Variants in CTSC observed in about 807,000 individuals in gnomAD.
CTSC encodes cathepsin C.
Under a neutral mutation model 40.9 loss-of-function variants are expected in CTSC, and 37 were observed. The observed-to-expected ratio is 0.91, with a 90% confidence interval of 0.70 to 1.19. The LOEUF is 1.19. Ranked by LOEUF, CTSC falls within the 50% of genes most tolerant of loss-of-function variation. The pLI, the probability that CTSC is intolerant of heterozygous loss-of-function variation, is 0.00. For synonymous variants in CTSC, 232 were observed against 207.4 expected, an observed-to-expected ratio of 1.12 and a Z score of -1.02; for missense variants, 594 against 567.3, an observed-to-expected ratio of 1.05 and a Z score of -0.48.
intron 5 of CTSC, 37 bp from the exon 6 acceptor site, chr11:88,296,301 T>C: frequency 6.2e-7 from 1 of 1,611,768 alleles, no homozygotes; most frequent in Non-Finnish European, 8.5e-7. Context: ...CCAAGAGACA[T>C]CTGAAGCCTC....
Position 88,337,661 on chromosome 11 carries a change from C to A in CTSC, c.12G>T (p.Gly4=). Residue 4 remains glycine, a synonymous_variant, in exon 1 of 7, where the codon GGG becomes GGT. Transcript: ENST00000227266. The part of the protein sequence containing the change: MGA[G]PSLLLAALLL... The stretch of plus-strand genomic sequence containing the variant: ...GGAGGGCGGCGAGCAGCAAGGAGGG[C>A]CCAGCACCCATGCTGCAGGGAGCTG... The A allele has an allele frequency of 6.3e-7, 1 of 1,577,866 alleles. No homozygotes were observed. The highest frequency in any genetic ancestry group is 8.6e-7 in the Non-Finnish European group (1 of 1,161,330).
chr11:88,303,498 G>C (rs182163631), intron 4 of CTSC, among the ~76,000 whole-genome samples: 30 of 152,326 alleles, frequency 2.0e-4, no homozygotes, highest in African/African-American at 6.7e-4. Flanking sequence ...CTAATGTTTA[G>C]TGGTTTATTA....
At position 88,293,610 on chromosome 11, in the gene CTSC, T is replaced by A; in HGVS notation, c.*396A>T. 4.6e-6 allele frequency: 1 copy of A among 217,026 alleles called. No individual in the cohort carries two copies. The highest frequency in any genetic ancestry group is 1.1e-4 in the East Asian group (1 of 8,754). 13.4% of individuals were successfully genotyped at this position (217,026 alleles called of 1,614,324 possible). On this transcript the variant is annotated 3_prime_UTR_variant, in exon 7 of 7. Transcript: ENST00000227266. ...TCCATAATGCAGTTATTTTTAAAAC[T>A]TTATTTTAAAAATATGAGCATCTAT... is the stretch of plus-strand genomic sequence containing the variant.
chr11:88,303,914 CAG>C (rs147665714), intron 4 of CTSC, among the ~76,000 whole-genome samples: 186 of 146,908 alleles, frequency 1.3e-3, no homozygotes, highest in Admixed American at 1.7e-3. Flanking sequence ...GGAAGAAGAT[CAG>C]AGAGAGAGAG....
At chr11:88,305,252 T>G (rs1451748085) in intron 4 of CTSC, among the ~76,000 whole-genome samples, 2 of 152,100 alleles carry the variant, frequency 1.3e-5, no homozygotes, top group Admixed American at 6.5e-5. Flanking sequence ...GTCTATGGAG[T>G]AGCCATTCTT....
In CTSC at chr11:88,309,235, T is replaced by G; in HGVS notation, c.569A>C (p.Tyr190Ser). 1 of 1,613,688 alleles carries G rather than the reference T, an allele frequency of 6.2e-7. No homozygotes were observed. The highest frequency in any genetic ancestry group is 2.2e-5 in the East Asian group (1 of 44,874). Residue 190 changes from tyrosine to serine, a missense_variant, in exon 4 of 7, where the codon TAC (tyrosine) becomes TCC (serine). Coordinates refer to ENST00000227266, the MANE Select transcript of CTSC (RefSeq NM_001814.6). ...AIQKSWTATT[Y>S]MEYETLTLGD... Reference sequence around the variant, plus strand: ...CAGGGTAAGAGTCTCATATTCCATGTATGTAGTTGCAGTCCAAGACTTCTG... The same window carrying G: ...CAGGGTAAGAGTCTCATATTCCATGGATGTAGTTGCAGTCCAAGACTTCTG...
intron 2 of CTSC, among the ~76,000 whole-genome samples, chr11:88,334,472 C>T (rs1231295038): frequency 6.6e-6 from 1 of 152,136 alleles, no homozygotes; most frequent in Non-Finnish European, 1.5e-5. Context: ...AATTACTCAA[C>T]ATATTTAGTA....
At chr11:88,302,173 C>T (rs1039201856) in intron 4 of CTSC, among the ~76,000 whole-genome samples, 8 of 152,278 alleles carry the variant, frequency 5.3e-5, no homozygotes, top group African/African-American at 1.9e-4. Flanking sequence ...ATTGTCATAT[C>T]ACACTGTTCT....
intron 1 of CTSC, among the ~76,000 whole-genome samples, chr11:88,336,306 C>G (rs113755660): frequency 0.064 from 9,604 of 150,140 alleles, 406 homozygotes; most frequent in Non-Finnish European, 0.095. Context: ...TTTGGGAGGC[C>G]GAGGCGGGCG....
chr11:88,335,205 T>C lies in CTSC; in HGVS notation c.173-123A>G, dbSNP rs1043894613. On this transcript the variant is annotated intron_variant, in intron 1 of 6. Transcript: ENST00000227266. ...TTCATGCTACCCAGTTTGAGCACAG[T>C]CTGCCTAGTGAAGAAACCAGAGGCT... The C allele has an allele frequency of 2.9e-5, 21 of 724,042 alleles. No homozygotes were observed. In the Admixed American group the frequency reaches 4.8e-4, roughly 16 times the overall value. The allele number at this position is 724,042 out of a possible 1,614,324, so 44.9% of individuals were successfully genotyped here.
intron 5 of CTSC, chr11:88,299,326 T>G (rs906577940): frequency 6.6e-6 from 1 of 152,220 alleles, no homozygotes; most frequent in African/African-American, 2.4e-5. Context: ...ATTTCTCAAT[T>G]ATCTTCAAAT....
chr11:88,307,612 G>C (rs1048748052), intron 4 of CTSC, among the ~76,000 whole-genome samples: 8 of 132,598 alleles, frequency 6.0e-5, no homozygotes, highest in African/African-American at 2.3e-4. Flanking sequence ...AGGATTTTGA[G>C]ATTTTTTTTT....
intron 2 of CTSC, chr11:88,327,958 CAGACAAGCAGGCTCAAGCA>C: frequency 1.5e-6 from 1 of 674,670 alleles, no homozygotes; most frequent in Non-Finnish European, 2.7e-6. Context: ...TTAGAAACAG[CAGACAAGCAGGCTCAAGCA>C]AGAAATTCAT....
intron 2 of CTSC, among the ~76,000 whole-genome samples, chr11:88,313,486 T>A (rs1182059918): frequency 2.0e-5 from 3 of 152,256 alleles, no homozygotes; most frequent in Admixed American, 1.3e-4. Context: ...GCCTTTTGTC[T>A]TATTTCAGTG....
At chr11:88,314,666 T>C (rs1365906572) in intron 2 of CTSC, among the ~76,000 whole-genome samples, 1 of 152,180 alleles carries the variant, frequency 6.6e-6, no homozygotes, top group Non-Finnish European at 1.5e-5. Flanking sequence ...TAGCTGCGAC[T>C]ACAGGCATGT....
intron 2 of CTSC, among the ~76,000 whole-genome samples, chr11:88,317,976 C>T (rs980581448): frequency 6.6e-6 from 1 of 152,186 alleles, no homozygotes; most frequent in Non-Finnish European, 1.5e-5. Flanking sequence ...ATCCCTTCTT[C>T]AATTTCCCAC....
chr11:88,312,566 TAAGAGAA>T lies in CTSC; in HGVS notation c.319-19_319-13del, dbSNP rs1450373306. 6.2e-6 allele frequency: 10 copies of T among 1,613,740 alleles called. No individual in the cohort carries two copies. In the Admixed American group the frequency reaches 1.5e-4, roughly 24 times the overall value. Reference sequence around the variant, plus strand: ...CCCTCTTCTTTATACTGCAAACAAATAAGAGAAAAGAAAACCAAGTAAAATCTGTCTT... The same window carrying T: ...CCCTCTTCTTTATACTGCAAACAAATAAGAAAACCAAGTAAAATCTGTCTT... On this transcript the variant is annotated splice_polypyrimidine_tract_variant and intron_variant, in intron 2 of 6. Coordinates refer to ENST00000227266, the MANE Select transcript of CTSC (RefSeq NM_001814.6).
intron 3 of CTSC, among the ~76,000 whole-genome samples, 175 bp from the exon 4 acceptor site, chr11:88,309,493 A>T (rs1937702255): frequency 6.6e-6 from 1 of 152,192 alleles, no homozygotes; most frequent in African/African-American, 2.4e-5. Flanking sequence ...CTAAAAATAA[A>T]AGTTCAAGTT....
At chr11:88,301,107 T>G (rs1441428764) in intron 4 of CTSC, among the ~76,000 whole-genome samples, 1 of 151,870 alleles carries the variant, frequency 6.6e-6, no homozygotes, top group Non-Finnish European at 1.5e-5. Flanking sequence ...GAAAAAAGGG[T>G]CTATGTGAGG....
Sources: gnomAD v4.1 joint callset for allele counts (sites outside exome capture counted in the v4.1 genomes callset) on GRCh38, gnomAD v4.1.1 for gene constraint, MANE v1.5 for transcripts, NCBI Gene and HGNC (gene_info 2026-07-23, HGNC 2026-07-21) for gene names.